The following ME3 variants were observed in gnomAD, a reference collection of about 807,000 sequenced individuals.
The protein encoded by ME3 is NADP-dependent malic enzyme, mitochondrial.
Under a neutral mutation model 68.9 loss-of-function variants are expected in ME3, and 48 were observed. The ratio of observed to expected loss-of-function variants is 0.70; its 90% CI spans 0.55 to 0.89. The LOEUF (loss-of-function observed/expected upper bound fraction) is 0.89. Ranked by LOEUF, ME3 falls within the 40% of genes least tolerant of loss-of-function variation. The pLI is 0.00. For synonymous variants in ME3, 320 were observed against 318.8 expected, an observed-to-expected ratio of 1.00 and a Z score of -0.04; for missense variants, 675 against 797.4, an observed-to-expected ratio of 0.85 and a Z score of 1.85.
At chr11:86,497,115 C>G (rs1018971486) in intron 6 of ME3, among the ~76,000 whole-genome samples, 8 of 152,098 alleles carry the variant, frequency 5.3e-5, no homozygotes, top group Non-Finnish European at 1.2e-4. Flanking sequence ...TCCCCAGTAG[C>G]TGGGATTACA....
intron 2 of ME3, among the ~76,000 whole-genome samples, chr11:86,597,682 T>C (rs1047802790): frequency 6.6e-6 from 1 of 152,160 alleles, no homozygotes; most frequent in Non-Finnish European, 1.5e-5. Flanking sequence ...GTCAAATTCT[T>C]TAAAATATTT....
intron 2 of ME3, among the ~76,000 whole-genome samples, chr11:86,639,640 T>G (rs1944544694): frequency 6.6e-6 from 1 of 152,206 alleles, no homozygotes; most frequent in Non-Finnish European, 1.5e-5. Context: ...AGAAAATCAC[T>G]CATAAACTCA....
exon 3 of ME3, chr11:86,559,794 C>T (rs770036394): frequency 4.3e-5 from 70 of 1,614,072 alleles, no homozygotes; most frequent in Non-Finnish European, 5.7e-5. Context: ...TTCCAAGCTG[C>T]AGCCTTTCTT....
chr11:86,550,440 T>G (rs1021911286), intron 4 of ME3, among the ~76,000 whole-genome samples: 8 of 152,170 alleles, frequency 5.3e-5, no homozygotes, highest in African/African-American at 1.9e-4. Flanking sequence ...TCCTGACTCC[T>G]AATCCAGTGC....
intron 2 of ME3, among the ~76,000 whole-genome samples, chr11:86,630,411 T>A (rs1249732225): frequency 6.6e-6 from 1 of 152,196 alleles, no homozygotes; most frequent in Non-Finnish European, 1.5e-5. Context: ...GCCTCTCCTG[T>A]ATCCTTCATG....
chr11:86,598,052 T>C lies in ME3; in HGVS notation c.184-38229A>G, dbSNP rs7122667. Among the ~76,000 whole-genome samples the C allele has an allele frequency of 3.5e-3, 538 of 152,266 alleles. 4 individuals are homozygous for C. The highest frequency in any genetic ancestry group is 0.012 in the African/African-American group (511 of 41,562). ...GATGGGTGATTTCTGCATTTCCATC[T>C]GAGGTACTGGGTTCATCTCACTAGG... is the stretch of plus-strand genomic sequence containing the variant. On this transcript the variant is annotated intron_variant, in intron 2 of 14. Transcript: ENST00000543262.
chr11:86,462,141 C>CATAT (rs1479402125), intron 8 of ME3, among the ~76,000 whole-genome samples: 1 of 152,182 alleles, frequency 6.6e-6, no homozygotes, highest in Non-Finnish European at 1.5e-5. Flanking sequence ...TATGTGAGCA[C>CATAT]AGTCAATCCT....
chr11:86,554,578 C>T (rs1312945478), intron 4 of ME3, among the ~76,000 whole-genome samples: 1 of 152,068 alleles, frequency 6.6e-6, no homozygotes, highest in Non-Finnish European at 1.5e-5. Flanking sequence ...TATCTGGTTC[C>T]AATTTTATGC....
intron 2 of ME3, among the ~76,000 whole-genome samples, chr11:86,653,261 G>C (rs1023805407): frequency 3.3e-5 from 5 of 152,110 alleles, no homozygotes; most frequent in Non-Finnish European, 7.3e-5. Context: ...GATATCTACA[G>C]AACTCTCCAC....
intron 7 of ME3, among the ~76,000 whole-genome samples, chr11:86,466,653 G>A (rs1041597951): frequency 6.6e-6 from 1 of 152,192 alleles, no homozygotes; most frequent in Non-Finnish European, 1.5e-5. Context: ...TTATAATTTT[G>A]TGCATGGCTT....
Position 86,637,365 on chromosome 11 carries a change from A to G in ME3, c.183+34397T>C, listed in dbSNP as rs1565249710. 2.7e-5 allele frequency among the ~76,000 whole-genome samples: 4 copies of G among 148,860 alleles called. No homozygotes were observed. The Admixed American group carries it at 2.7e-4, about 10-fold the overall frequency. ...CAAGAAGCACAAAAAAAAAAAAAAA[A>G]GCAAAACTCATTACAGCAGTGTGAT... On this transcript the variant is annotated intron_variant, in intron 2 of 14. Coordinates refer to ENST00000543262, the Ensembl canonical transcript of ME3.
chr11:86,501,271 A>G (rs997239720), intron 5 of ME3, among the ~76,000 whole-genome samples: 42 of 152,238 alleles, frequency 2.8e-4, no homozygotes, highest in African/African-American at 9.9e-4. Flanking sequence ...ATAAAGTAAG[A>G]ATGATGAATA....
chr11:86,562,835 C>A (rs2139489505), intron 2 of ME3, among the ~76,000 whole-genome samples: 1 of 151,946 alleles, frequency 6.6e-6, no homozygotes. Context: ...CCTCCCCCAT[C>A]TAGTAGTCTG....
At chr11:86,537,957 C>T (rs1258498081) in intron 4 of ME3, among the ~76,000 whole-genome samples, 1 of 152,254 alleles carries the variant, frequency 6.6e-6, no homozygotes, top group South Asian at 2.1e-4. Flanking sequence ...AAGAACCTGC[C>T]CAAGGTGCAA....
chr11:86,631,468 C>T (rs955080386), intron 2 of ME3, among the ~76,000 whole-genome samples: 1 of 152,064 alleles, frequency 6.6e-6, no homozygotes, highest in African/African-American at 2.4e-5. Context: ...CATAAGAAAA[C>T]CGTGGGCAAT....
exon 6 of ME3, chr11:86,497,973 G>T: frequency 6.2e-7 from 1 of 1,601,426 alleles, no homozygotes; most frequent in Non-Finnish European, 8.5e-7. Context: ...CTCATTGTTG[G>T]TGCCGACGTC....
chr11:86,485,246 TAGAC>T (rs773796480), intron 7 of ME3, among the ~76,000 whole-genome samples: 5 of 152,196 alleles, frequency 3.3e-5, no homozygotes, highest in Non-Finnish European at 5.9e-5. Flanking sequence ...GTCCCTGACA[TAGAC>T]AGAGCAGTCT....
At chr11:86,572,631 C>G (rs635971) in intron 2 of ME3, among the ~76,000 whole-genome samples, 1 of 152,232 alleles carries the variant, frequency 6.6e-6, no homozygotes, top group Non-Finnish European at 1.5e-5. Flanking sequence ...ATAGCTGCAT[C>G]GTATTCCATC....
At chr11:86,548,663 G>T (rs768933611) in intron 4 of ME3, among the ~76,000 whole-genome samples, 13 of 152,170 alleles carry the variant, frequency 8.5e-5, no homozygotes, top group Non-Finnish European at 1.8e-4. Flanking sequence ...CAAATTTGTA[G>T]CCACAGTGCT....
Sources: gnomAD v4.1 joint callset for allele counts (sites outside exome capture counted in the v4.1 genomes callset) on GRCh38, gnomAD v4.1.1 for gene constraint, MANE v1.5 for transcripts, NCBI Gene and HGNC (gene_info 2026-07-23, HGNC 2026-07-21) for gene names.